Variants in GNL2 observed in about 807,000 individuals in gnomAD.
GNL2 encodes the protein nucleolar GTP-binding protein 2.
A neutral mutation model predicts 92.3 loss-of-function variants in GNL2; 51 were observed. The observed-to-expected ratio is 0.55, with a 90% CI of 0.44 to 0.70. The LOEUF (loss-of-function observed/expected upper bound fraction) is 0.70. Ranked by LOEUF, GNL2 falls within the 30% of genes least tolerant of loss-of-function variation. The pLI, the probability that GNL2 is intolerant of heterozygous loss-of-function variation, is 0.00. For synonymous variants in GNL2, 283 were observed against 300.6 expected (o/e 0.94, Z 0.61); for missense variants, 844 against 895.6 (o/e 0.94, Z 0.74).
chr1:37,583,089 A>G, intron 6 of GNL2, 153 bp from the exon 7 acceptor site: 1 of 465,292 alleles, frequency 2.1e-6, no homozygotes, highest in Non-Finnish European at 3.7e-6. Flanking sequence ...CTCAAGGCCC[A>G]GTGATCAGAA....
In GNL2 at chr1:37,575,388, T is replaced by C. The variant is rs1643662436; in HGVS notation, c.1143+207A>G. On this transcript the variant is annotated intron_variant, in intron 10 of 15. Coordinates refer to ENST00000373062, the MANE Select transcript of GNL2 (RefSeq NM_013285.3). This position sits in a 1 kb window ranked among gnomAD's most constrained non-coding sequence, Gnocchi z 4.1. ...GTAAACTACAAACTCTTTTGTGGGA[T>C]GATATTGACCAGATATGCCCATGGT... Among the ~76,000 whole-genome samples the C allele has an allele frequency of 6.6e-6, 1 of 152,202 alleles. No homozygotes were observed. The highest frequency in any genetic ancestry group is 1.5e-5 in the Non-Finnish European group (1 of 68,030).
rs1370420840 is a variant in GNL2, at chr1:37,582,943, ATTC to A, written c.637-10_637-8del. On this transcript the variant is annotated splice_polypyrimidine_tract_variant and splice_region_variant and intron_variant, in intron 6 of 15. Transcript: ENST00000373062. ...CATCTGATGAATCTATCACCTGAAA[ATTC>A]AGAAAGGCAAAAATGGTTTGCTACA... 8 of 1,606,798 alleles carry A rather than the reference ATTC, an allele frequency of 5.0e-6. No individual in the cohort carries two copies. In the Admixed American group the frequency reaches 8.5e-5, roughly 17 times the overall value.
At chr1:37,590,876 A>G (rs1248765767) in intron 3 of GNL2, 31 bp from the exon 4 acceptor site, 1 of 1,523,640 alleles carries the variant, frequency 6.6e-7, no homozygotes, top group African/African-American at 1.4e-5. Flanking sequence ...GTTGCCACTT[A>G]GTTAATATTT....
chr1:37,580,553 A>G (rs11591204), intron 8 of GNL2, among the ~76,000 whole-genome samples: 7,748 of 152,330 alleles, frequency 0.051, 289 homozygotes, highest in Non-Finnish European at 0.077. Flanking sequence ...AGAAAAGAAG[A>G]AAAGAGGTCC....
intron 9 of GNL2, chr1:37,576,092 A>G (rs1643673253): frequency 6.2e-6 from 2 of 324,396 alleles, no homozygotes; most frequent in African/African-American, 4.4e-5. Context: ...TTCAGAACCT[A>G]CCTTAAGTTT....
intron 8 of GNL2, among the ~76,000 whole-genome samples, chr1:37,579,584 T>G: frequency 7.0e-6 from 1 of 142,744 alleles, no homozygotes; most frequent in African/African-American, 2.6e-5. Flanking sequence ...TAGAGGAAAA[T>G]GTCATATATG....
Position 37,569,792 on chromosome 1 carries a change from T to C in GNL2, c.1417-490A>G, listed in dbSNP as rs187975405. Reference sequence around the variant, plus strand: ...GGTTTGGCTGTGTCCAAATCTCATCTTGATTTGTAGCTCCCATAATCCCCA... The same window carrying C: ...GGTTTGGCTGTGTCCAAATCTCATCCTGATTTGTAGCTCCCATAATCCCCA... On this transcript the variant is annotated intron_variant, in intron 12 of 15. Transcript: ENST00000373062. 2.2e-3 allele frequency: 335 copies of C among 154,220 alleles called. 4 individuals carry two copies. Among genetic ancestry groups the C allele is most frequent in the Non-Finnish European group, 3.1e-3 (213 of 69,312 alleles). 9.6% of individuals were successfully genotyped at this position (154,220 alleles called of 1,614,324 possible).
chr1:37,576,843 GGCTCAC>G (rs374025242), intron 8 of GNL2, among the ~76,000 whole-genome samples: 60 of 152,362 alleles, frequency 3.9e-4, no homozygotes, highest in Non-Finnish European at 7.8e-4. Flanking sequence ...TCGGCACAGT[GGCTCAC>G]GCCTGTAATC....
intron 8 of GNL2, among the ~76,000 whole-genome samples, chr1:37,581,043 C>T (rs1419311932): frequency 2.0e-5 from 3 of 152,052 alleles, no homozygotes; most frequent in Admixed American, 1.3e-4. Flanking sequence ...TACTGTAACC[C>T]AACATTGGCA....
intron 8 of GNL2, among the ~76,000 whole-genome samples, chr1:37,578,659 G>A (rs988794878): frequency 2.6e-5 from 4 of 151,938 alleles, no homozygotes; most frequent in Admixed American, 2.0e-4. Flanking sequence ...CTGGGCTCAA[G>A]CAATCCTCCT....
intron 3 of GNL2, among the ~76,000 whole-genome samples, 184 bp downstream of exon 3, chr1:37,592,528 A>C (rs544736455): frequency 1.3e-5 from 2 of 152,188 alleles, no homozygotes; most frequent in Non-Finnish European, 2.9e-5. Flanking sequence ...AGCGCTCTTC[A>C]AAAAGAAGTT....
intron 2 of GNL2, 149 bp from the exon 3 acceptor site, chr1:37,592,955 T>G (rs1280879016): frequency 5.4e-5 from 32 of 593,594 alleles, no homozygotes; most frequent in Non-Finnish European, 9.4e-5. Context: ...ACAAAGTACT[T>G]CTACATTTGA....
intron 7 of GNL2, 62 bp from the exon 8 acceptor site, chr1:37,582,398 G>C: frequency 1.1e-6 from 1 of 947,818 alleles, no homozygotes. Context: ...TTATGTGGAA[G>C]AATCAGAGCT....
At chr1:37,570,897 C>T (rs1237784346) in intron 12 of GNL2, 1 of 152,164 alleles carries the variant, frequency 6.6e-6, no homozygotes, top group Non-Finnish European at 1.5e-5. Flanking sequence ...AAGCTTTCTA[C>T]TGGTGTTTCA....
intron 4 of GNL2, among the ~76,000 whole-genome samples, chr1:37,588,931 T>C (rs1643871670): frequency 6.6e-6 from 1 of 152,236 alleles, no homozygotes; most frequent in Non-Finnish European, 1.5e-5. Context: ...AGCTGACTGG[T>C]GCAACTGCAG....
Position 37,590,710 on chromosome 1 carries a change from G to A in GNL2, c.380C>T (p.Pro127Leu). ...CAGGGATATCCTACATCTTACATGAGGCCGGATTCGATCATGGAGAAGAGA... is the reference window on the plus strand; with the variant it reads ...CAGGGATATCCTACATCTTACATGAAGCCGGATTCGATCATGGAGAAGAGA... ...PMSLLHDRIR[P>L]HNLKVHILDT... The change falls in exon 4 of 16, where the codon CCT (proline) becomes CTT (leucine). Residue 127 changes from proline to leucine, a missense_variant. Coordinates refer to ENST00000373062, the MANE Select transcript of GNL2 (RefSeq NM_013285.3). 1.2e-6 allele frequency: 2 copies of A among 1,612,962 alleles called. No individual in the cohort carries two copies. The highest frequency in any genetic ancestry group is 1.7e-5 in the Admixed American group (1 of 60,020).
At chr1:37,570,529 C>CA (rs10669460) in intron 12 of GNL2, 7,282 of 101,014 alleles carry the variant, frequency 0.072, 256 homozygotes, top group Non-Finnish European at 0.1. Context: ...GACTCCGTCT[C>CA]AAAAAAAAAA....
chr1:37,595,453 T>A (rs1024687821), intron 1 of GNL2, among the ~76,000 whole-genome samples: 1 of 152,204 alleles, frequency 6.6e-6, no homozygotes, highest in Non-Finnish European at 1.5e-5. Context: ...AATCTGACTT[T>A]CTCTGCATCT....
chr1:37,592,754 A>C lies in GNL2; in HGVS notation c.202T>G (p.Ser68Ala). 6.2e-7 allele frequency: 1 copy of C among 1,610,056 alleles called. No homozygotes were observed. Among genetic ancestry groups the C allele is most frequent in the Non-Finnish European group, 8.5e-7 (1 of 1,176,230 alleles). Residue 68 changes from serine to alanine, a missense_variant, in exon 3 of 16, where the codon TCT (serine) becomes GCT (alanine). Transcript: ENST00000373062. ...GGCTCTACTCTTGCCACTGTGCCAG[A>C]AGCCACCGTTGATTGATATTGCAGG... is the stretch of plus-strand genomic sequence containing the variant. ...KPLQYQSTVA[S>A]GTVARVEPNI...
Sources: gnomAD v4.1 joint callset for allele counts (sites outside exome capture counted in the v4.1 genomes callset) on GRCh38, gnomAD v4.1.1 for gene constraint, Gnocchi (gnomAD v3.1) non-coding constraint, MANE v1.5 for transcripts, NCBI Gene and HGNC (gene_info 2026-07-23, HGNC 2026-07-21) for gene names.